Variants in ILRUN observed in about 807,000 individuals in gnomAD.
ILRUN encodes the protein protein ILRUN.
In ILRUN, 3 loss-of-function variants were observed where a neutral mutation model predicts 33.8. The ratio of observed to expected loss-of-function variants is 0.09; its 90% CI spans 0.04 to 0.23. ILRUN has a LOEUF of 0.23. ILRUN is among the 10% of genes least tolerant of loss of function. ILRUN has a pLI of 1.00. For synonymous variants in ILRUN, 124 were observed against 138.9 expected (o/e 0.89, Z 0.75); for missense variants, 210 against 375.1 (o/e 0.56, Z 3.64).
intron 3 of ILRUN, among the ~76,000 whole-genome samples, chr6:34,639,516 C>T (rs1002023368): frequency 3.3e-5 from 5 of 152,182 alleles, no homozygotes; most frequent in African/African-American, 1.2e-4. Flanking sequence ...ATGCTGCTTA[C>T]CCTTTGCCCA....
chr6:34,642,797 A>G (rs112254827), intron 3 of ILRUN, among the ~76,000 whole-genome samples: 4,089 of 134,304 alleles, frequency 0.03, 164 homozygotes, highest in African/African-American at 0.09. Context: ...AGACCAACCT[A>G]GGCAACATAG....
At chr6:34,691,538 T>C (rs1262191050) in intron 1 of ILRUN, among the ~76,000 whole-genome samples, 1 of 152,224 alleles carries the variant, frequency 6.6e-6, no homozygotes, top group Non-Finnish European at 1.5e-5. Flanking sequence ...CCCACGCCTA[T>C]AATCCCAGCA....
At chr6:34,662,664 A>G (rs1035353845) in intron 1 of ILRUN, among the ~76,000 whole-genome samples, 17 of 152,260 alleles carry the variant, frequency 1.1e-4, no homozygotes, top group African/African-American at 4.1e-4. Flanking sequence ...ACTTACATGG[A>G]AAGTGGGTAG....
At chr6:34,673,317 T>G (rs759406420) in intron 1 of ILRUN, among the ~76,000 whole-genome samples, 1 of 152,108 alleles carries the variant, frequency 6.6e-6, no homozygotes, top group Non-Finnish European at 1.5e-5. Context: ...TCAGGGTAGG[T>G]CCAACGTTCT....
At chr6:34,597,002 C>T (rs1248565674) in intron 4 of ILRUN, among the ~76,000 whole-genome samples, 1 of 152,056 alleles carries the variant, frequency 6.6e-6, no homozygotes, top group East Asian at 1.9e-4. Context: ...ATACTTCCAT[C>T]CCTCCTCCCT....
intron 1 of ILRUN, among the ~76,000 whole-genome samples, chr6:34,676,459 GCT>G (rs1222813316): frequency 2.0e-5 from 3 of 147,346 alleles, no homozygotes; most frequent in African/African-American, 8.0e-5. Context: ...GATAGATATA[GCT>G]AGCTAGCTAG....
chr6:34,682,265 T>TGTTTTGTTTTG (rs1199069546), intron 1 of ILRUN, among the ~76,000 whole-genome samples: 1 of 141,040 alleles, frequency 7.1e-6, no homozygotes, highest in African/African-American at 2.6e-5. Flanking sequence ...TTTTTTTTTT[T>TGTTTTGTTTTG]TTTTTTTTTT....
intron 3 of ILRUN, among the ~76,000 whole-genome samples, chr6:34,610,243 T>TCTTG (rs1761721274): frequency 1.3e-5 from 2 of 152,252 alleles, no homozygotes; most frequent in South Asian, 4.1e-4. Flanking sequence ...AAGTTAAACC[T>TCTTG]CTTGACTTAA....
intron 3 of ILRUN, among the ~76,000 whole-genome samples, chr6:34,610,085 C>T (rs765873771): frequency 2.0e-5 from 3 of 150,856 alleles, no homozygotes; most frequent in South Asian, 2.1e-4. Context: ...GGCATGAACC[C>T]GGGAGGCAGA....
At chr6:34,669,352 C>T (rs747134034) in intron 1 of ILRUN, among the ~76,000 whole-genome samples, 1 of 144,940 alleles carries the variant, frequency 6.9e-6, no homozygotes, top group Non-Finnish European at 1.5e-5. Flanking sequence ...TGGTCTCAAA[C>T]TCCTGGACTC....
chr6:34,654,161 G>C (rs1234025390), intron 2 of ILRUN, among the ~76,000 whole-genome samples: 5 of 140,502 alleles, frequency 3.6e-5, no homozygotes, highest in Admixed American at 3.5e-4. Flanking sequence ...CATCCTTGTG[G>C]TTGCAAAAAA....
chr6:34,638,154 C>G (rs1427543955), intron 3 of ILRUN, among the ~76,000 whole-genome samples: 4 of 151,896 alleles, frequency 2.6e-5, no homozygotes, highest in Non-Finnish European at 4.4e-5. Flanking sequence ...TCCCAAAGTG[C>G]TGGGACTACA....
chr6:34,696,504 G>C lies in ILRUN; in HGVS notation c.100C>G (p.Leu34Val), dbSNP rs770805339. 6 of 1,612,790 alleles carry C rather than the reference G, an allele frequency of 3.7e-6. No homozygotes were observed. The highest frequency in any genetic ancestry group is 5.1e-6 in the Non-Finnish European group (6 of 1,179,640). Residue 34 changes from leucine (L) to valine (V), a missense_variant, in exon 1 of 5, where the codon CTG becomes GTG. This residue lies in a region of ILRUN where 61 missense variants were observed against 94.4 expected (regional missense o/e 0.65). Coordinates refer to ENST00000374023, the MANE Select transcript of ILRUN (RefSeq NM_024294.4). ...KDVLISEFQRLLGFQLNPAGC... is the reference protein window; with the variant it reads ...KDVLISEFQRVLGFQLNPAGC... Reference sequence around the variant, plus strand: ...GCAGGATTGAGCTGGAAGCCGAGCAGCCTCTGGAACTCGGAGATGAGCACG... The same window carrying C: ...GCAGGATTGAGCTGGAAGCCGAGCACCCTCTGGAACTCGGAGATGAGCACG...
At chr6:34,668,815 T>C (rs1212014409) in intron 1 of ILRUN, among the ~76,000 whole-genome samples, 2 of 150,992 alleles carry the variant, frequency 1.3e-5, no homozygotes, top group African/African-American at 4.9e-5. Context: ...CTGGGACTAC[T>C]ATTTAAAAAA....
intron 3 of ILRUN, among the ~76,000 whole-genome samples, chr6:34,613,971 T>G (rs542255654): frequency 1.8e-4 from 27 of 152,230 alleles, no homozygotes; most frequent in Non-Finnish European, 3.2e-4. Flanking sequence ...CATCCTATAG[T>G]AGCAGAAAGA....
At chr6:34,673,936 C>CTGGGT (rs71000080) in intron 1 of ILRUN, among the ~76,000 whole-genome samples, 1 of 150,594 alleles carries the variant, frequency 6.6e-6, no homozygotes, top group African/African-American at 2.5e-5. Context: ...CACACACACA[C>CTGGGT]GAAAACTGAT....
intron 1 of ILRUN, among the ~76,000 whole-genome samples, chr6:34,682,831 T>C (rs1310128412): frequency 6.6e-6 from 1 of 152,000 alleles, no homozygotes; most frequent in Non-Finnish European, 1.5e-5. Flanking sequence ...GATGATTGAG[T>C]GTTCACACTT....
rs181196205 is a variant in ILRUN at position 34,684,990 on chromosome 6, A to G, written c.158+11456T>C. Among the ~76,000 whole-genome samples the G allele has an allele frequency of 1.9e-3, 292 of 152,344 alleles. 1 individual carries two copies. Among genetic ancestry groups the G allele is most frequent in the African/African-American group, 6.0e-3 (248 of 41,592 alleles). ...AAGAAGGGTCTAGATTGAAGCTGTG[A>G]TTTAGAAAGACTGATCTAGCAGTGG... On this transcript the variant is annotated intron_variant, in intron 1 of 4. Transcript: ENST00000374023.
In ILRUN at chr6:34,608,231, T is replaced by C. The variant is rs576098647; in HGVS notation, c.512-1327A>G. The stretch of plus-strand genomic sequence containing the variant: ...CAACATAGTGAAACCCCATCTCTAC[T>C]GAAAATTAAAAAACTAGCTGGGCAT... On this transcript the variant is annotated intron_variant, in intron 3 of 4. Transcript: ENST00000374023. Among the ~76,000 whole-genome samples, 4 of 151,982 alleles carry C rather than the reference T, an allele frequency of 2.6e-5. No individual in the cohort carries two copies. In the East Asian group the frequency reaches 7.7e-4, roughly 29 times the overall value.
Sources: allele counts gnomAD v4.1 joint callset (sites outside exome capture counted in the v4.1 genomes callset), GRCh38; gene constraint gnomAD v4.1.1; regional missense constraint gnomAD v4.1.1; transcripts MANE v1.5; gene names NCBI Gene and HGNC (gene_info 2026-07-23, HGNC 2026-07-21).